XRCC4: variants seen among roughly 807,000 people sequenced by gnomAD.
XRCC4 encodes DNA repair protein XRCC4.
A neutral mutation model predicts 39.1 loss-of-function variants in XRCC4; 28 were observed. That is an observed-to-expected ratio of 0.72 (90% CI 0.53 to 0.98). The LOEUF (loss-of-function observed/expected upper bound fraction) is 0.98. XRCC4 is among the 50% of genes least tolerant of loss of function. XRCC4 has a pLI of 0.00. For missense variants in XRCC4, 350 were observed against 376.4 expected, an observed-to-expected ratio of 0.93 and a Z score of 0.58; for synonymous variants, 123 against 126.4, an observed-to-expected ratio of 0.97 and a Z score of 0.18.
chr5:83,217,822 T>C (rs558730066), intron 6 of XRCC4, among the ~76,000 whole-genome samples: 50 of 152,248 alleles, frequency 3.3e-4, no homozygotes, highest in African/African-American at 1.2e-3. Context: ...ATAGAACATC[T>C]TGTAGGTATA....
At chr5:83,373,709 C>T in the XRCC4 span, among the ~76,000 whole-genome samples, 1 of 152,082 alleles carries the variant, frequency 6.6e-6, no homozygotes, top group African/African-American at 2.4e-5. Flanking sequence ...TTTGCTTTTT[C>T]TCTATTTTTT....
At chr5:83,167,068 G>C (rs1749516509) in intron 3 of XRCC4, among the ~76,000 whole-genome samples, 1 of 151,834 alleles carries the variant, frequency 6.6e-6, no homozygotes. Context: ...TTTTAGTAGA[G>C]ATGGTATTTC....
At chr5:83,140,257 A>G (rs894178667) in intron 3 of XRCC4, among the ~76,000 whole-genome samples, 2 of 152,204 alleles carry the variant, frequency 1.3e-5, no homozygotes, top group African/African-American at 4.8e-5. Flanking sequence ...AAAAGCCTCA[A>G]GAGCAGGGAA....
chr5:83,327,462 A>G (rs947956278), intron 7 of XRCC4, among the ~76,000 whole-genome samples: 2 of 151,494 alleles, frequency 1.3e-5, no homozygotes, highest in Non-Finnish European at 2.9e-5. Flanking sequence ...TTCACTAGTA[A>G]TAATTTCATT....
At chr5:83,207,570 A>G (rs902185010) in intron 6 of XRCC4, among the ~76,000 whole-genome samples, 1 of 152,084 alleles carries the variant, frequency 6.6e-6, no homozygotes, top group African/African-American at 2.4e-5. Context: ...GCAAAAAGAA[A>G]TGTTTAGGAA....
At chr5:83,332,494 T>G (rs1283019551) in intron 7 of XRCC4, among the ~76,000 whole-genome samples, 1 of 152,188 alleles carries the variant, frequency 6.6e-6, no homozygotes, top group Non-Finnish European at 1.5e-5. Context: ...AATTCACTTT[T>G]GAGTGCTTGC....
intron 7 of XRCC4, among the ~76,000 whole-genome samples, chr5:83,273,820 C>G (rs752814095): frequency 6.6e-6 from 1 of 151,876 alleles, no homozygotes; most frequent in Non-Finnish European, 1.5e-5. Flanking sequence ...GTTACTGTAG[C>G]CTTGTAGTAT....
chr5:83,330,041 C>T (rs904382044), intron 7 of XRCC4, among the ~76,000 whole-genome samples: 1 of 152,034 alleles, frequency 6.6e-6, no homozygotes, highest in Non-Finnish European at 1.5e-5. Context: ...AGAAGTAACA[C>T]GGGCATCATA....
At chr5:83,085,100 G>A (rs894425215) in intron 1 of XRCC4, among the ~76,000 whole-genome samples, 3 of 152,324 alleles carry the variant, frequency 2.0e-5, no homozygotes, top group South Asian at 4.1e-4. Flanking sequence ...TAAGCAAAGA[G>A]TTCAATCTGG....
At chr5:83,371,463 T>A in the XRCC4 span, among the ~76,000 whole-genome samples, 2 of 152,108 alleles carry the variant, frequency 1.3e-5, no homozygotes, top group Non-Finnish European at 2.9e-5. Flanking sequence ...ATTGAATAAA[T>A]GAGTGAGTAT....
intron 7 of XRCC4, among the ~76,000 whole-genome samples, chr5:83,292,719 CTCTTTT>C (rs3070939): frequency 0.087 from 13,148 of 151,664 alleles, 942 homozygotes; most frequent in African/African-American, 0.19. Flanking sequence ...ACACAAGAAA[CTCTTTT>C]TCTTTTTCTT....
intron 3 of XRCC4, among the ~76,000 whole-genome samples, chr5:83,194,246 A>T (rs1750846479): frequency 6.6e-6 from 1 of 152,194 alleles, no homozygotes; most frequent in Non-Finnish European, 1.5e-5. Context: ...GTGCTCGGCC[A>T]GGTGACATTT....
At chr5:83,280,564 A>C in intron 7 of XRCC4, 1 of 504,540 alleles carries the variant, frequency 2.0e-6, no homozygotes, top group Non-Finnish European at 3.6e-6. Flanking sequence ...TGGAGCCCAC[A>C]CTCCGACCAC....
chr5:83,210,556 A>G (rs1434036162), intron 6 of XRCC4, among the ~76,000 whole-genome samples: 4 of 152,180 alleles, frequency 2.6e-5, no homozygotes, highest in African/African-American at 9.7e-5. Flanking sequence ...CTTGTAATAT[A>G]ATAATTAACC....
At chr5:83,193,821 G>A (rs1261584779) in intron 3 of XRCC4, among the ~76,000 whole-genome samples, 1 of 152,106 alleles carries the variant, frequency 6.6e-6, no homozygotes, top group Non-Finnish European at 1.5e-5. Flanking sequence ...TTTATGTTTT[G>A]CTATTGTAAC....
intron 7 of XRCC4, among the ~76,000 whole-genome samples, chr5:83,324,558 T>C (rs1468672295): frequency 6.6e-6 from 1 of 152,188 alleles, no homozygotes; most frequent in Non-Finnish European, 1.5e-5. Flanking sequence ...ATTTCTTTTT[T>C]TAAGTACATA....
At chr5:83,107,835 G>A (rs1457438372) in intron 2 of XRCC4, among the ~76,000 whole-genome samples, 2 of 151,862 alleles carry the variant, frequency 1.3e-5, no homozygotes, top group African/African-American at 4.8e-5. Context: ...AGAACTCAGT[G>A]GAAAGAGGAT....
At chr5:83,254,219 TC>T (rs1399565552) in intron 6 of XRCC4, among the ~76,000 whole-genome samples, 1 of 151,722 alleles carries the variant, frequency 6.6e-6, no homozygotes, top group Non-Finnish European at 1.5e-5. Context: ...GAAAAAAACC[TC>T]CCCAGTCAAT....
At chr5:83,287,078 C>G (rs969376417) in intron 7 of XRCC4, among the ~76,000 whole-genome samples, 1 of 152,070 alleles carries the variant, frequency 6.6e-6, no homozygotes, top group African/African-American at 2.4e-5. Context: ...ATTTGTTAGG[C>G]ATACTGCCTC....
Sources: gnomAD v4.1 joint callset for allele counts (sites outside exome capture counted in the v4.1 genomes callset) on GRCh38, gnomAD v4.1.1 for gene constraint, MANE v1.5 for transcripts, NCBI Gene and HGNC (gene_info 2026-07-23, HGNC 2026-07-21) for gene names.